The following CLASP2 variants were observed in gnomAD, a reference collection of about 807,000 sequenced individuals.
The protein encoded by CLASP2 is CLIP-associating protein 2.
In CLASP2, 47 loss-of-function variants were observed where a neutral mutation model predicts 194.4. That is an observed-to-expected ratio of 0.24 (90% CI 0.19 to 0.31). The LOEUF (loss-of-function observed/expected upper bound fraction) is 0.31. CLASP2 is among the 10% of genes least tolerant of loss of function. The probability of loss-of-function intolerance (pLI) is 1.00; values close to 1 mark genes in which losing one functional copy is unlikely to be tolerated. For synonymous variants in CLASP2, 619 were observed against 633.5 expected (o/e 0.98, Z 0.34); for missense variants, 1,445 against 1,823.6 (o/e 0.79, Z 3.78).
intron 34 of CLASP2, among the ~76,000 whole-genome samples, chr3:33,519,604 A>G (rs1412615231): frequency 6.6e-6 from 1 of 152,238 alleles, no homozygotes; most frequent in Non-Finnish European, 1.5e-5. Flanking sequence ...ATAATGTCAA[A>G]CAGGGTCTTC....
intron 22 of CLASP2, among the ~76,000 whole-genome samples, chr3:33,583,735 G>C (rs1268776694): frequency 6.6e-6 from 1 of 152,076 alleles, no homozygotes; most frequent in Non-Finnish European, 1.5e-5. Context: ...TTAAATATGA[G>C]AATATTTTTT....
In CLASP2 at chr3:33,543,547, A is replaced by T. The variant is rs769831574; in HGVS notation, c.3298-8T>A. On this transcript the variant is annotated splice_region_variant and splice_polypyrimidine_tract_variant and intron_variant, in intron 31 of 38. Coordinates refer to ENST00000682230, the MANE Select transcript of CLASP2 (RefSeq NM_001365631.1). ...AGGACTCCCCATGGAACTCTGATGA[A>T]GGGAGTCAAAGAAATATTAACATAT... 8 of 1,529,346 alleles carry T rather than the reference A, an allele frequency of 5.2e-6. No homozygotes were observed. The East Asian group carries it at 1.6e-4, about 30-fold the overall frequency. 94.7% of individuals were successfully genotyped at this position (1,529,346 alleles called of 1,614,324 possible). A position where few individuals can be genotyped will look rare whatever the true frequency, so the allele number is the denominator to read the frequency against.
intron 8 of CLASP2, among the ~76,000 whole-genome samples, chr3:33,641,203 G>A (rs1028077735): frequency 6.6e-6 from 1 of 151,648 alleles, no homozygotes; most frequent in African/African-American, 2.4e-5. Flanking sequence ...GAACATTAAA[G>A]AATTGTATTA....
intron 6 of CLASP2, among the ~76,000 whole-genome samples, 187 bp from the exon 7 acceptor site, chr3:33,663,702 A>G (rs1452127413): frequency 6.6e-6 from 1 of 152,184 alleles, no homozygotes; most frequent in Non-Finnish European, 1.5e-5. Flanking sequence ...AGTTGAAAGA[A>G]GTCACATATA....
At chr3:33,674,067 T>C in intron 6 of CLASP2, among the ~76,000 whole-genome samples, 1 of 152,128 alleles carries the variant, frequency 6.6e-6, no homozygotes, top group Non-Finnish European at 1.5e-5. Flanking sequence ...ACCCAGGAAT[T>C]GAATTCAGCT....
intron 36 of CLASP2, among the ~76,000 whole-genome samples, 189 bp from the exon 37 acceptor site, chr3:33,510,953 T>G (rs1200146236): frequency 6.6e-6 from 1 of 151,938 alleles, no homozygotes; most frequent in African/African-American, 2.4e-5. Flanking sequence ...CAGTAACAGC[T>G]GAAGCTAGAT....
chr3:33,620,884 T>C (rs960967064), intron 11 of CLASP2, among the ~76,000 whole-genome samples: 3 of 152,198 alleles, frequency 2.0e-5, no homozygotes, highest in Non-Finnish European at 2.9e-5. Context: ...TTGTTTATCT[T>C]ACAGCTCCCA....
At chr3:33,508,938 C>T (rs2049027675) in intron 37 of CLASP2, among the ~76,000 whole-genome samples, 2 of 152,058 alleles carry the variant, frequency 1.3e-5, no homozygotes, top group Non-Finnish European at 1.5e-5. Flanking sequence ...AATTCTCAGG[C>T]TCATTTTATA....
In CLASP2 at chr3:33,628,532, T is replaced by C. The variant is rs191176916; in HGVS notation, c.943-1452A>G. On this transcript the variant is annotated intron_variant, in intron 9 of 38. Transcript: ENST00000682230. The stretch of plus-strand genomic sequence containing the variant: ...AAGTTAGGTGTCTGTTGCAGTAGAG[T>C]GATTCCTAGGTTTCTAACTTTTGTA... Among the ~76,000 whole-genome samples the C allele has an allele frequency of 1.7e-3, 256 of 152,162 alleles. 1 individual carries two copies. Among genetic ancestry groups the C allele is most frequent in the Admixed American group, 4.3e-3 (65 of 15,248 alleles).
chr3:33,547,208 C>A (rs1397952778), intron 30 of CLASP2, among the ~76,000 whole-genome samples: 1 of 152,132 alleles, frequency 6.6e-6, no homozygotes, highest in South Asian at 2.1e-4. Context: ...TGGGAGATAA[C>A]TGAATCATGG....
chr3:33,589,578 C>T (rs1349255476), intron 21 of CLASP2, among the ~76,000 whole-genome samples: 3 of 151,974 alleles, frequency 2.0e-5, no homozygotes, highest in African/African-American at 7.2e-5. Flanking sequence ...AGCAAACAAA[C>T]AAAAGTCCCT....
chr3:33,572,842 T>C (rs2154195046), intron 25 of CLASP2, among the ~76,000 whole-genome samples: 1 of 151,956 alleles, frequency 6.6e-6, no homozygotes, highest in South Asian at 2.1e-4. Flanking sequence ...ATTAATAACA[T>C]TTTAAATTTA....
At chr3:33,702,341 G>A (rs1015928938) in intron 1 of CLASP2, among the ~76,000 whole-genome samples, 3 of 152,058 alleles carry the variant, frequency 2.0e-5, no homozygotes, top group African/African-American at 7.2e-5. Flanking sequence ...CATTTGTATG[G>A]GCAACTGATT....
At chr3:33,545,048 G>C in intron 30 of CLASP2, 1 of 387,714 alleles carries the variant, frequency 2.6e-6, no homozygotes, top group Non-Finnish European at 4.5e-6. Context: ...GGTAAGAAGG[G>C]AATATGAAAA....
At chr3:33,589,478 T>C (rs2068193242) in intron 21 of CLASP2, among the ~76,000 whole-genome samples, 1 of 152,222 alleles carries the variant, frequency 6.6e-6, no homozygotes, top group East Asian at 1.9e-4. Flanking sequence ...TGTGCAAATA[T>C]ATTGTAAAGA....
At chr3:33,512,688 GA>G (rs974434369) in intron 36 of CLASP2, among the ~76,000 whole-genome samples, 1,066 of 78,736 alleles carry the variant, frequency 0.014, 8 homozygotes, top group African/African-American at 0.037. Context: ...ACATACACTG[GA>G]AAAAAAAAAA....
chr3:33,541,394 G>A (rs866072286), intron 32 of CLASP2, among the ~76,000 whole-genome samples: 3 of 152,124 alleles, frequency 2.0e-5, no homozygotes, highest in Non-Finnish European at 2.9e-5. Context: ...GCAAACGTGT[G>A]TCATGGGGGT....
intron 29 of CLASP2, 58 bp downstream of exon 29, chr3:33,559,249 C>T: frequency 9.4e-7 from 1 of 1,058,852 alleles, no homozygotes; most frequent in Non-Finnish European, 1.4e-6. Context: ...ATCAACATAA[C>T]TTTATTAATA....
At chr3:33,562,084 T>C (rs1210707218) in intron 27 of CLASP2, among the ~76,000 whole-genome samples, 1 of 152,218 alleles carries the variant, frequency 6.6e-6, no homozygotes, top group African/African-American at 2.4e-5. Flanking sequence ...ATCAGAATTA[T>C]AATTAAGCTT....
Sources: gnomAD v4.1 joint callset for allele counts (sites outside exome capture counted in the v4.1 genomes callset) on GRCh38, gnomAD v4.1.1 for gene constraint, MANE v1.5 for transcripts, NCBI Gene and HGNC (gene_info 2026-07-23, HGNC 2026-07-21) for gene names.